The following NCKAP5 variants were observed in gnomAD, a reference collection of about 807,000 sequenced individuals.
NCKAP5 encodes the protein nck-associated protein 5.
In NCKAP5, 92 loss-of-function variants were observed where a neutral mutation model predicts 167.0. The ratio of observed to expected loss-of-function variants is 0.55; its 90% CI spans 0.47 to 0.66. The LOEUF (loss-of-function observed/expected upper bound fraction) is 0.66, where lower values mean the gene tolerates loss of function less well. NCKAP5 is among the 30% of genes least tolerant of loss of function. NCKAP5 has a pLI of 0.00. For missense variants in NCKAP5, 2,378 were observed against 2,315.0 expected, an observed-to-expected ratio of 1.03 and a Z score of -0.56; for synonymous variants, 891 against 877.4, an observed-to-expected ratio of 1.02 and a Z score of -0.27.
the NCKAP5 span, among the ~76,000 whole-genome samples, chr2:133,586,321 C>G: frequency 2.0e-5 from 3 of 152,254 alleles, no homozygotes; most frequent in South Asian, 4.2e-4. Flanking sequence ...TTCCTTCCTT[C>G]CTTCTGCTTC....
At chr2:133,087,268 A>C (rs2081024608) in intron 6 of NCKAP5, among the ~76,000 whole-genome samples, 3 of 152,354 alleles carry the variant, frequency 2.0e-5, no homozygotes, top group Non-Finnish European at 2.9e-5. Context: ...GGCATTCTAT[A>C]GCTAAACTAA....
intron 6 of NCKAP5, among the ~76,000 whole-genome samples, chr2:133,044,994 G>A (rs1252209042): frequency 6.6e-6 from 1 of 151,204 alleles, no homozygotes; most frequent in African/African-American, 2.4e-5. Context: ...GTTCCAGGCT[G>A]AAGTGAGCTA....
chr2:133,610,257 T>A, the NCKAP5 span, among the ~76,000 whole-genome samples: 99,235 of 152,096 alleles, frequency 0.65, 33,050 homozygotes, highest in Middle Eastern at 0.79. Context: ...AAATAGCAAT[T>A]CTGCAAGTAC....
intron 3 of NCKAP5, among the ~76,000 whole-genome samples, chr2:133,449,607 G>A (rs962743651): frequency 2.0e-5 from 3 of 152,038 alleles, no homozygotes; most frequent in East Asian, 1.9e-4. Flanking sequence ...AAGGCGTGAC[G>A]GTTCCTTTTA....
intron 5 of NCKAP5, among the ~76,000 whole-genome samples, chr2:133,159,793 C>A (rs995789833): frequency 1.3e-5 from 2 of 152,006 alleles, no homozygotes; most frequent in Non-Finnish European, 2.9e-5. Flanking sequence ...CAGGCACAAG[C>A]AAGTTGGAAT....
chr2:133,431,925 A>G (rs1690185087), intron 3 of NCKAP5: 1 of 152,192 alleles, frequency 6.6e-6, no homozygotes, highest in Admixed American at 6.5e-5. Context: ...CTGATTTATA[A>G]CTTTGTAAAA....
chr2:133,164,005 C>T (rs946562852), intron 5 of NCKAP5, among the ~76,000 whole-genome samples: 9 of 152,266 alleles, frequency 5.9e-5, no homozygotes, highest in Middle Eastern at 3.4e-3. Flanking sequence ...ATCAATTGAA[C>T]GCCTACTTTA....
intron 3 of NCKAP5, among the ~76,000 whole-genome samples, chr2:133,341,819 T>C (rs1233386154): frequency 6.6e-6 from 1 of 152,238 alleles, no homozygotes; most frequent in Non-Finnish European, 1.5e-5. Flanking sequence ...TAAAGTTATA[T>C]AGAACCACAT....
At chr2:133,488,362 G>A (rs1681099802) in intron 3 of NCKAP5, among the ~76,000 whole-genome samples, 2 of 152,282 alleles carry the variant, frequency 1.3e-5, no homozygotes, top group African/African-American at 2.4e-5. Flanking sequence ...GCTGGTGGCT[G>A]TTGATCAGAC....
At chr2:132,707,665 C>T (rs1299288245) in intron 19 of NCKAP5, among the ~76,000 whole-genome samples, 1 of 152,160 alleles carries the variant, frequency 6.6e-6, no homozygotes, top group Non-Finnish European at 1.5e-5. Flanking sequence ...GTGAGCAAAA[C>T]CAAACACCCT....
At chr2:133,114,474 T>C (rs1325365587) in intron 6 of NCKAP5, among the ~76,000 whole-genome samples, 2 of 152,234 alleles carry the variant, frequency 1.3e-5, no homozygotes, top group Non-Finnish European at 2.9e-5. Flanking sequence ...CTTTTAAATA[T>C]GTCTTTTAAA....
At chr2:132,966,624 A>G (rs931165650) in intron 7 of NCKAP5, among the ~76,000 whole-genome samples, 1 of 152,190 alleles carries the variant, frequency 6.6e-6, no homozygotes, top group Non-Finnish European at 1.5e-5. Context: ...GCCTCTGGTC[A>G]CATTTTCATT....
intron 19 of NCKAP5, among the ~76,000 whole-genome samples, chr2:132,680,274 C>A (rs1162549719): frequency 6.6e-6 from 1 of 152,140 alleles, no homozygotes; most frequent in African/African-American, 2.4e-5. Context: ...ACCACACTCA[C>A]GGAGATGTGA....
At chr2:133,559,863 A>G (rs747949869) in intron 1 of NCKAP5, among the ~76,000 whole-genome samples, 193 of 152,338 alleles carry the variant, frequency 1.3e-3, no homozygotes, top group Non-Finnish European at 1.8e-3. Context: ...CACAGCATAC[A>G]GGGCTCTAGA....
intron 5 of NCKAP5, among the ~76,000 whole-genome samples, chr2:133,190,777 G>A (rs188504960): frequency 2.9e-4 from 44 of 152,136 alleles, no homozygotes; most frequent in Middle Eastern, 3.4e-3. Context: ...AATTCAAGAC[G>A]GACTAAAGAC....
chr2:133,498,480 A>AAGGAAGGAAGGAAGGAAGGCAGGC lies in NCKAP5; in HGVS notation c.69+18977_69+18978insGCCTGCCTTCCTTCCTTCCTTCCT, dbSNP rs1310524686. Among the ~76,000 whole-genome samples, 34 of 101,794 alleles carry AAGGAAGGAAGGAAGGAAGGCAGGC rather than the reference A, an allele frequency of 3.3e-4. No individual in the cohort carries two copies. In the East Asian group the frequency reaches 8.0e-3, roughly 24 times the overall value. The allele number at this position is 101,794 out of a possible 152,430, so 66.8% of individuals were successfully genotyped here. On this transcript the variant is annotated intron_variant, in intron 3 of 19. Transcript: ENST00000409261. ...GAAGGAAGGAAGGAAGGAAGGAAGG[A>AAGGAAGGAAGGAAGGAAGGCAGGC]AGGCAGGCAGGCAGGCAGGCAGGCA...
intron 10 of NCKAP5, among the ~76,000 whole-genome samples, chr2:132,861,836 C>T (rs926149674): frequency 9.2e-5 from 14 of 152,204 alleles, no homozygotes; most frequent in Non-Finnish European, 2.1e-4. Context: ...TTACACGACA[C>T]ATTTTTCACC....
rs189804519 is a variant in NCKAP5, at chr2:133,521,515, C to T, written c.-61-3928G>A. Reference sequence around the variant, plus strand: ...CAGACTGAGCGGATTACACAACAGACGTTTATTTTCTCATAGTTCTGGAGG... The same window carrying T: ...CAGACTGAGCGGATTACACAACAGATGTTTATTTTCTCATAGTTCTGGAGG... On this transcript the variant is annotated intron_variant, in intron 2 of 19. Coordinates refer to ENST00000409261, the MANE Select transcript of NCKAP5 (RefSeq NM_207363.3). 1.9e-3 allele frequency among the ~76,000 whole-genome samples: 284 copies of T among 152,320 alleles called. 3 individuals carry two copies. Among genetic ancestry groups the T allele is most frequent in the African/African-American group, 6.1e-3 (255 of 41,556 alleles).
intron 6 of NCKAP5, among the ~76,000 whole-genome samples, chr2:133,048,178 T>C (rs2079473580): frequency 6.6e-6 from 1 of 152,136 alleles, no homozygotes; most frequent in Non-Finnish European, 1.5e-5. Flanking sequence ...CCTGTAAGCG[T>C]AGCAGTGAAA....
Sources: allele counts gnomAD v4.1 joint callset (sites outside exome capture counted in the v4.1 genomes callset), GRCh38; gene constraint gnomAD v4.1.1; transcripts MANE v1.5; gene names NCBI Gene and HGNC (gene_info 2026-07-23, HGNC 2026-07-21).